KCNQ1: variants seen among roughly 807,000 people sequenced by gnomAD.
The protein encoded by KCNQ1 is potassium voltage-gated channel subfamily Q member 1, also known as potassium voltage-gated channel subfamily KQT member 1.
In KCNQ1, 49 loss-of-function variants were observed where a neutral mutation model predicts 72.4. The ratio of observed to expected loss-of-function variants is 0.68; its 90% confidence interval spans 0.54 to 0.86. KCNQ1 has a LOEUF of 0.86. KCNQ1 is among the 40% of genes least tolerant of loss of function. KCNQ1 has a pLI of 0.00. For synonymous variants in KCNQ1, 450 were observed against 412.6 expected, an observed-to-expected ratio of 1.09 and a Z score of -1.10; for missense variants, 790 against 945.1, an observed-to-expected ratio of 0.84 and a Z score of 2.15.
intron 11 of KCNQ1, chr11:2,688,895 G>T: frequency 2.5e-6 from 1 of 399,074 alleles, no homozygotes. Flanking sequence ...TGGAAGCTGA[G>T]GTGGGGCTAG....
chr11:2,734,015 G>A lies in KCNQ1; in HGVS notation c.1515-34829G>A, dbSNP rs1845910920. 6.6e-6 allele frequency among the ~76,000 whole-genome samples: 1 copy of A among 151,870 alleles called. No individual in the cohort carries two copies. The highest frequency in any genetic ancestry group is 2.4e-5 in the African/African-American group (1 of 41,324). On this transcript the variant is annotated intron_variant, in intron 11 of 15. Transcript: ENST00000155840. This position sits in a 1 kb window ranked among gnomAD's most constrained non-coding sequence, Gnocchi z 7.0. The stretch of plus-strand genomic sequence containing the variant: ...TGAACATCCTCCTCAGAGCAGTTGC[G>A]CGCTCTAAATCAGGACCACCTTGCG...
At chr11:2,609,124 C>T (rs1217343523) in intron 10 of KCNQ1, 3 of 398,040 alleles carry the variant, frequency 7.5e-6, no homozygotes, top group Admixed American at 8.8e-5. Flanking sequence ...AGTTGGCTTA[C>T]TGATTTGAAG....
intron 10 of KCNQ1, chr11:2,644,040 C>T (rs984989363): frequency 2.0e-5 from 8 of 398,340 alleles, no homozygotes; most frequent in Non-Finnish European, 3.5e-5. Context: ...CTCTCTTTGT[C>T]TTGGGATGGG....
At chr11:2,844,713 A>G (rs925367140) in intron 15 of KCNQ1, among the ~76,000 whole-genome samples, 1 of 152,220 alleles carries the variant, frequency 6.6e-6, no homozygotes, top group African/African-American at 2.4e-5. Context: ...TTCTGTCCCA[A>G]GAATCCCCTG....
rs907106684 is a variant in KCNQ1 at position 2,651,263 on chromosome 11, G to C, written c.1394-10698G>C. On this transcript the variant is annotated intron_variant, in intron 10 of 15. Transcript: ENST00000155840. The surrounding 1 kb of genome is among the most constrained non-coding windows in gnomAD (Gnocchi z 6.1). ...TTAATTCAGGAATTAAGCTGTGCTG[G>C]TCACTTATTGAGAAAGAGCTTCATG... 2.5e-6 allele frequency: 1 copy of C among 398,522 alleles called. No homozygotes were observed. The highest frequency in any genetic ancestry group is 2.1e-5 in the African/African-American group (1 of 48,642). 24.7% of individuals were successfully genotyped at this position (398,522 alleles called of 1,614,324 possible). A position where few individuals can be genotyped will look rare whatever the true frequency, so the allele number is the denominator to read the frequency against.
chr11:2,654,409 C>G lies in KCNQ1; in HGVS notation c.1394-7552C>G, dbSNP rs1046963918. The G allele has an allele frequency of 1.5e-5, 6 of 398,582 alleles. No homozygotes were observed. The highest frequency in any genetic ancestry group is 2.7e-5 in the Non-Finnish European group (6 of 226,128). 24.7% of individuals were successfully genotyped at this position (398,582 alleles called of 1,614,324 possible). A position where few individuals can be genotyped will look rare whatever the true frequency, so the allele number is the denominator to read the frequency against. ...TCAGGGAACTCGCCTGTGCCAAACC[C>G]TGGGGAGACATGGGTGAGGCAGAAG... On this transcript the variant is annotated intron_variant, in intron 10 of 15. Coordinates refer to ENST00000155840, the MANE Select transcript of KCNQ1 (RefSeq NM_000218.3). The surrounding 1 kb of genome is among the most constrained non-coding windows in gnomAD (Gnocchi z 6.4).
chr11:2,700,040 C>G (rs1055739651), intron 11 of KCNQ1: 1 of 398,030 alleles, frequency 2.5e-6, no homozygotes, highest in Non-Finnish European at 4.4e-6. Flanking sequence ...CCGCTGCCGA[C>G]GTGGCGACCG....
intron 1 of KCNQ1, among the ~76,000 whole-genome samples, chr11:2,520,731 C>T (rs1564804935): frequency 6.6e-6 from 1 of 152,128 alleles, no homozygotes; most frequent in African/African-American, 2.4e-5. Flanking sequence ...TCCTCTCCAG[C>T]GCCCAGTGTT....
intron 10 of KCNQ1, chr11:2,609,496 G>A (rs1403293551): frequency 2.5e-6 from 1 of 398,262 alleles, no homozygotes; most frequent in Non-Finnish European, 4.4e-6. Flanking sequence ...TATATTCAAT[G>A]TTGGTTGTTG....
rs1036062445 is a variant in KCNQ1, at chr11:2,826,893, A to G, written c.1795-20874A>G. ...TGGGGTGTCTGGTCCTGGAGTGACA[A>G]GGACAGGGAGGAAGAAAGCCAGGCA... On this transcript the variant is annotated intron_variant, in intron 15 of 15. Coordinates refer to ENST00000155840, the MANE Select transcript of KCNQ1 (RefSeq NM_000218.3). This position sits in a 1 kb window ranked among gnomAD's most constrained non-coding sequence, Gnocchi z 4.2. 1.3e-5 allele frequency among the ~76,000 whole-genome samples: 2 copies of G among 152,214 alleles called. No homozygotes were observed. The highest frequency in any genetic ancestry group is 1.3e-4 in the Admixed American group (2 of 15,282).
At chr11:2,448,937 A>C (rs1288640539) in intron 1 of KCNQ1, among the ~76,000 whole-genome samples, 1 of 152,024 alleles carries the variant, frequency 6.6e-6, no homozygotes, top group African/African-American at 2.4e-5. Flanking sequence ...TCAGCTGGGG[A>C]GGGGGTAGTC....
chr11:2,521,752 G>T (rs1847385936), intron 1 of KCNQ1, among the ~76,000 whole-genome samples: 1 of 152,354 alleles, frequency 6.6e-6, no homozygotes, highest in Middle Eastern at 3.4e-3. Context: ...TGTGTGTGGG[G>T]CCTGTCCCCG....
rs996751160 is a variant in KCNQ1, at chr11:2,814,970, G to A, written c.1795-32797G>A. 5.9e-5 allele frequency among the ~76,000 whole-genome samples: 9 copies of A among 152,308 alleles called. No homozygotes were observed. In the South Asian group the frequency reaches 6.2e-4, roughly 11 times the overall value. ...AAGCACCTGTGCAGACGGCCCCAGC[G>A]CTATGCCCTTCTGAGGCCTGCTCTG... is the stretch of plus-strand genomic sequence containing the variant. On this transcript the variant is annotated intron_variant, in intron 15 of 15. Transcript: ENST00000155840.
rs931342562 is a variant in KCNQ1 at position 2,699,234 on chromosome 11, G to A, written c.1514+37153G>A. On this transcript the variant is annotated intron_variant, in intron 11 of 15. Coordinates refer to ENST00000155840, the MANE Select transcript of KCNQ1 (RefSeq NM_000218.3). ...GAACTCGGACCTCGACCCTGGCCAC[G>A]CTGTCCATAAGGTGCAGATGGGAGC... 57 of 398,756 alleles carry A rather than the reference G, an allele frequency of 1.4e-4. 1 individual carries two copies. In the East Asian group the frequency reaches 1.8e-3, roughly 13 times the overall value. 24.7% of individuals were successfully genotyped at this position (398,756 alleles called of 1,614,324 possible). A position where few individuals can be genotyped will look rare whatever the true frequency, so the allele number is the denominator to read the frequency against.
At position 2,592,892 on chromosome 11, in the gene KCNQ1, C is replaced by T. The variant is rs564443431; in HGVS notation, c.1393+4038C>T. ...GCCTGGGCTGGAGCCGCATACTGGC[C>T]ATGCTGCCTCGCTGTCCCTGCCTCA... On this transcript the variant is annotated intron_variant, in intron 10 of 15. Transcript: ENST00000155840. This position sits in a 1 kb window ranked among gnomAD's most constrained non-coding sequence, Gnocchi z 5.2. Among the ~76,000 whole-genome samples the T allele has an allele frequency of 8.9e-4, 136 of 152,278 alleles. 1 individual carries two copies. Among genetic ancestry groups the T allele is most frequent in the African/African-American group, 3.2e-3 (132 of 41,558 alleles).
At position 2,624,446 on chromosome 11, in the gene KCNQ1, T is replaced by G. The variant is rs1849229877; in HGVS notation, c.1393+35592T>G. The G allele has an allele frequency of 1.8e-5, 7 of 398,404 alleles. No individual in the cohort carries two copies. The East Asian group carries it at 2.5e-4, about 14-fold the overall frequency. 24.7% of individuals were successfully genotyped at this position (398,404 alleles called of 1,614,324 possible). A position where few individuals can be genotyped will look rare whatever the true frequency, so the allele number is the denominator to read the frequency against. On this transcript the variant is annotated intron_variant, in intron 10 of 15. Coordinates refer to ENST00000155840, the MANE Select transcript of KCNQ1 (RefSeq NM_000218.3). This position sits in a 1 kb window ranked among gnomAD's most constrained non-coding sequence, Gnocchi z 4.9. ...CAAAGTCTAGCTTATCAATTATTTCTTTCATGAATCATGCCTTTGGTGTCA... is the reference window on the plus strand; with the variant it reads ...CAAAGTCTAGCTTATCAATTATTTCGTTCATGAATCATGCCTTTGGTGTCA...
chr11:2,652,477 C>T lies in KCNQ1; in HGVS notation c.1394-9484C>T. ...CATCCAAAGACCTCCAGAAACTTTC[C>T]TCCCCACCTCTCCAGAGGTTTCTGG... On this transcript the variant is annotated intron_variant, in intron 10 of 15. Coordinates refer to ENST00000155840, the MANE Select transcript of KCNQ1 (RefSeq NM_000218.3). This position sits in a 1 kb window ranked among gnomAD's most constrained non-coding sequence, Gnocchi z 5.9. The T allele has an allele frequency of 2.5e-6, 1 of 398,632 alleles. No homozygotes were observed. Among genetic ancestry groups the T allele is most frequent in the Non-Finnish European group, 4.4e-6 (1 of 226,080 alleles). The allele number at this position is 398,632 out of a possible 1,614,324, so 24.7% of individuals were successfully genotyped here. A position where few individuals can be genotyped will look rare whatever the true frequency, so the allele number is the denominator to read the frequency against.
At chr11:2,643,127 A>G in intron 10 of KCNQ1, 1 of 398,252 alleles carries the variant, frequency 2.5e-6, no homozygotes, top group Non-Finnish European at 4.4e-6. Context: ...AGAAGAGTGT[A>G]TATTCTGCAG....
chr11:2,451,689 C>G lies in KCNQ1; in HGVS notation c.386+6205C>G, dbSNP rs374767334. On this transcript the variant is annotated intron_variant, in intron 1 of 15. Coordinates refer to ENST00000155840, the MANE Select transcript of KCNQ1 (RefSeq NM_000218.3). This position sits in a 1 kb window ranked among gnomAD's most constrained non-coding sequence, Gnocchi z 6.4. ...CAGGAACTTCTCCTGATGGAAGAGCCGGGCTGGGGAGCTGACTCCAGGACA... is the reference window on the plus strand; with the variant it reads ...CAGGAACTTCTCCTGATGGAAGAGCGGGGCTGGGGAGCTGACTCCAGGACA... 6.6e-6 allele frequency among the ~76,000 whole-genome samples: 1 copy of G among 152,144 alleles called. No individual in the cohort carries two copies. The highest frequency in any genetic ancestry group is 2.4e-5 in the African/African-American group (1 of 41,436).
Sources: allele counts gnomAD v4.1 joint callset (sites outside exome capture counted in the v4.1 genomes callset), GRCh38; gene constraint gnomAD v4.1.1; non-coding constraint Gnocchi (gnomAD v3.1); transcripts MANE v1.5; gene names NCBI Gene and HGNC (gene_info 2026-07-23, HGNC 2026-07-21).